HERC5: variants seen among roughly 807,000 people sequenced by gnomAD.
HERC5 encodes the protein E3 ISG15--protein ligase HERC5.
HERC5 carries 99 observed loss-of-function variants against 119.6 expected under a neutral mutation model. That is an observed-to-expected ratio of 0.83 (90% confidence interval 0.70 to 0.98). HERC5 has a LOEUF of 0.98. Among genes scored for constraint, HERC5 ranks in the 50% least tolerant of loss-of-function variants. The probability of loss-of-function intolerance (pLI) is 0.00; values close to 1 mark genes in which losing one functional copy is unlikely to be tolerated. For missense variants in HERC5, 1,267 were observed against 1,241.3 expected (o/e 1.02, Z -0.31); for synonymous variants, 478 against 445.9 (o/e 1.07, Z -0.91).
chr4:88,482,100 A>T (rs1269610135), intron 13 of HERC5, among the ~76,000 whole-genome samples: 1 of 152,014 alleles, frequency 6.6e-6, no homozygotes. Flanking sequence ...TCACAAGGTT[A>T]GGAGTTCAAG....
intron 12 of HERC5, among the ~76,000 whole-genome samples, chr4:88,479,087 A>G (rs539588751): frequency 2.0e-5 from 3 of 152,142 alleles, no homozygotes; most frequent in Admixed American, 1.3e-4. Context: ...GGAGTTCAAG[A>G]CCAGCCTGGC....
Position 88,464,053 on chromosome 4 carries a change from ATTTC to A in HERC5, c.911+73_911+76del, listed in dbSNP as rs1431259240. 10 of 1,393,608 alleles carry A rather than the reference ATTTC, an allele frequency of 7.2e-6. No individual in the cohort carries two copies. In the East Asian group the frequency reaches 1.4e-4, roughly 20 times the overall value. The allele number at this position is 1,393,608 out of a possible 1,614,324, so 86.3% of individuals were successfully genotyped here. A position where few individuals can be genotyped will look rare whatever the true frequency, so the allele number is the denominator to read the frequency against. ...GCAAACTAGATAGTAATTTAATAAA[ATTTC>A]TTTCAGTTTCTTTGAGATGTATCAA... On this transcript the variant is annotated intron_variant, in intron 6 of 22. Transcript: ENST00000264350.
intron 11 of HERC5, among the ~76,000 whole-genome samples, chr4:88,474,408 G>T (rs1740982609): frequency 6.6e-6 from 1 of 152,136 alleles, no homozygotes; most frequent in Non-Finnish European, 1.5e-5. Flanking sequence ...CAATAGGACT[G>T]GCTCGAGGGT....
intron 18 of HERC5, among the ~76,000 whole-genome samples, chr4:88,497,103 A>G (rs940317590): frequency 1.3e-5 from 2 of 152,184 alleles, no homozygotes; most frequent in Non-Finnish European, 1.5e-5. Context: ...ATAAATTTCT[A>G]TTTATAGATT....
chr4:88,490,528 C>T (rs542673329), intron 16 of HERC5, among the ~76,000 whole-genome samples: 1 of 152,120 alleles, frequency 6.6e-6, no homozygotes, highest in Non-Finnish European at 1.5e-5. Flanking sequence ...ATTGACTTTA[C>T]CAAGTCTCAA....
chr4:88,502,370 T>G (rs1741971734), intron 20 of HERC5, among the ~76,000 whole-genome samples: 1 of 152,146 alleles, frequency 6.6e-6, no homozygotes, highest in African/African-American at 2.4e-5. Flanking sequence ...TGGGGCTTTT[T>G]GGGGAGAGCT....
intron 8 of HERC5, 118 bp downstream of exon 8, chr4:88,468,540 A>T: frequency 1.6e-6 from 1 of 618,012 alleles, no homozygotes; most frequent in Admixed American, 3.0e-5. Flanking sequence ...TTTTTGGGGG[A>T]TAGCTGGACA....
chr4:88,474,763 T>C (rs1338705507), intron 11 of HERC5, among the ~76,000 whole-genome samples: 1 of 152,196 alleles, frequency 6.6e-6, no homozygotes, highest in Admixed American at 6.5e-5. Flanking sequence ...AGATTTCTCA[T>C]CAGTAAAATG....
Position 88,501,590 on chromosome 4 carries a change from T to A in HERC5, c.2582+605T>A, listed in dbSNP as rs58497654. Among the ~76,000 whole-genome samples, 985 of 152,276 alleles carry A rather than the reference T, an allele frequency of 6.5e-3. 10 individuals are homozygous for A. Among genetic ancestry groups the A allele is most frequent in the African/African-American group, 0.023 (938 of 41,538 alleles). ...AGGAAGCGTGCTGGCCTACATCACA[T>A]CTTTTTCCACGATTTCTTAATCTTT... On this transcript the variant is annotated intron_variant, in intron 20 of 22. Coordinates refer to ENST00000264350, the MANE Select transcript of HERC5 (RefSeq NM_016323.4).
chr4:88,479,180 G>A (rs1364853120), intron 12 of HERC5, among the ~76,000 whole-genome samples, 173 bp from the exon 13 acceptor site: 1 of 151,458 alleles, frequency 6.6e-6, no homozygotes, highest in African/African-American at 2.4e-5. Context: ...AGCCACTCAG[G>A]AAGGTGAGGC....
chr4:88,476,748 C>T, intron 12 of HERC5, among the ~76,000 whole-genome samples: 1 of 151,608 alleles, frequency 6.6e-6, no homozygotes, highest in Non-Finnish European at 1.5e-5. Context: ...TGACAAAACC[C>T]TGACTCTACT....
At position 88,493,245 on chromosome 4, in the gene HERC5, G is replaced by T. The variant is rs368735393; in HGVS notation, c.2277+90G>T. The T allele has an allele frequency of 5.3e-5, 57 of 1,075,602 alleles. No individual in the cohort carries two copies. The East Asian group carries it at 1.0e-3, about 20-fold the overall frequency. 66.6% of individuals were successfully genotyped at this position (1,075,602 alleles called of 1,614,324 possible). ...AATTAGTTTGTCTAGACTATTTCAT[G>T]TTAGAAGAGGAGTATTGATATAATT... On this transcript the variant is annotated intron_variant, in intron 17 of 22. Coordinates refer to ENST00000264350, the MANE Select transcript of HERC5 (RefSeq NM_016323.4).
chr4:88,502,489 G>A (rs1741974221), intron 20 of HERC5, among the ~76,000 whole-genome samples: 1 of 152,150 alleles, frequency 6.6e-6, no homozygotes, highest in Non-Finnish European at 1.5e-5. Context: ...ATGCAACCCA[G>A]AGCATGCGTG....
Position 88,469,197 on chromosome 4 carries a change from A to G in HERC5, c.1175A>G (p.Asn392Ser), listed in dbSNP as rs150431696. ...CTGAAGAGGACAATTCCTACTCTGA[A>G]TGAAGGGACTGTAAAGAGATGGATT... Reference protein sequence around the residue: ...VNLKRTIPTLNEGTVKRWIAD... With the variant: ...VNLKRTIPTLSEGTVKRWIAD... The change falls in exon 9 of 23, where the codon AAT becomes AGT. Residue 392 changes from asparagine to serine, a missense_variant. This residue lies in a region of HERC5 where 777 missense variants were observed against 758.0 expected (regional missense o/e 1.03). Transcript: ENST00000264350. The G allele has an allele frequency of 4.2e-5, 67 of 1,613,198 alleles. No individual in the cohort carries two copies. The Admixed American group carries it at 6.3e-4, about 15-fold the overall frequency.
At position 88,492,491 on chromosome 4, in the gene HERC5, C is replaced by A. The variant is rs559723715; in HGVS notation, c.2134-521C>A. Among the ~76,000 whole-genome samples the A allele has an allele frequency of 2.0e-5, 3 of 151,824 alleles. No homozygotes were observed. In the South Asian group the frequency reaches 6.3e-4, roughly 32 times the overall value. The stretch of plus-strand genomic sequence containing the variant: ...GGGTGTGGTGGCTCATGGCTGTAAT[C>A]TCAGCGCTTTGGGAGGCTGAGGTGG... On this transcript the variant is annotated intron_variant, in intron 16 of 22. Coordinates refer to ENST00000264350, the MANE Select transcript of HERC5 (RefSeq NM_016323.4).
chr4:88,498,543 T>G (rs1741863678), intron 18 of HERC5, among the ~76,000 whole-genome samples: 1 of 152,196 alleles, frequency 6.6e-6, no homozygotes, highest in Non-Finnish European at 1.5e-5. Flanking sequence ...GGAATGTCTA[T>G]CCTATGCCTG....
chr4:88,490,926 A>G (rs569060831), intron 16 of HERC5, among the ~76,000 whole-genome samples: 47 of 151,930 alleles, frequency 3.1e-4, no homozygotes, highest in Non-Finnish European at 5.0e-4. Context: ...ACTCTAATGG[A>G]CTCGTTATGT....
At chr4:88,492,974 GC>G in intron 16 of HERC5, 37 bp from the exon 17 acceptor site, 2 of 1,605,660 alleles carry the variant, frequency 1.2e-6, no homozygotes, top group Non-Finnish European at 1.7e-6. Flanking sequence ...GCAATATAGA[GC>G]CCTGGAAGTG....
chr4:88,469,285 G>T (rs1275867516), intron 9 of HERC5, 25 bp downstream of exon 9: 4 of 1,433,896 alleles, frequency 2.8e-6, no homozygotes, highest in Non-Finnish European at 3.0e-6. Context: ...CTGACTCTCT[G>T]CTTATATATC....
Sources: allele counts gnomAD v4.1 joint callset (sites outside exome capture counted in the v4.1 genomes callset), GRCh38; gene constraint gnomAD v4.1.1; regional missense constraint gnomAD v4.1.1; transcripts MANE v1.5; gene names NCBI Gene and HGNC (gene_info 2026-07-23, HGNC 2026-07-21).